Variants in LDLRAD3 observed in about 807,000 individuals in gnomAD.
LDLRAD3 encodes low density lipoprotein receptor class A domain containing 3, also known as low-density lipoprotein receptor class A domain-containing protein 3.
In LDLRAD3, 20 loss-of-function variants were observed where a neutral mutation model predicts 29.4. The observed-to-expected ratio is 0.68, with a 90% CI of 0.48 to 0.99. LDLRAD3 has a LOEUF of 0.99. Among genes scored for constraint, LDLRAD3 ranks in the 50% least tolerant of loss-of-function variants. The pLI is 0.00. For missense variants in LDLRAD3, 420 were observed against 454.3 expected (o/e 0.92, Z 0.69); for synonymous variants, 157 against 192.7 (o/e 0.81, Z 1.53).
chr11:36,097,839 G>GA (rs1230972051), intron 3 of LDLRAD3, among the ~76,000 whole-genome samples: 49 of 148,990 alleles, frequency 3.3e-4, no homozygotes, highest in African/African-American at 1.2e-3. Context: ...AAACAAAAAT[G>GA]GAAAAAAAAA....
chr11:36,072,101 A>G (rs1186419149), intron 2 of LDLRAD3, among the ~76,000 whole-genome samples: 11 of 152,214 alleles, frequency 7.2e-5, no homozygotes, highest in Admixed American at 7.2e-4. Flanking sequence ...TCTCTCAGCC[A>G]CATACTGGCA....
At chr11:36,047,699 T>C (rs1309457012) in intron 2 of LDLRAD3, among the ~76,000 whole-genome samples, 2 of 152,218 alleles carry the variant, frequency 1.3e-5, no homozygotes, top group African/African-American at 4.8e-5. Flanking sequence ...ACTGCCAGTA[T>C]TGAATCCTGA....
At chr11:36,200,149 C>G (rs11821619) in intron 4 of LDLRAD3, among the ~76,000 whole-genome samples, 46,793 of 151,884 alleles carry the variant, frequency 0.31, 7,478 homozygotes, top group African/African-American at 0.39. Context: ...CTGGGTGACA[C>G]AGCAAGACTC....
chr11:35,965,031 G>A (rs943933015), intron 1 of LDLRAD3, among the ~76,000 whole-genome samples: 1 of 151,758 alleles, frequency 6.6e-6, no homozygotes, highest in Admixed American at 6.6e-5. Flanking sequence ...AGCTGGGGCG[G>A]AAGTGGAGGC....
intron 1 of LDLRAD3, among the ~76,000 whole-genome samples, chr11:36,007,472 G>A (rs1037532805): frequency 3.3e-5 from 5 of 152,172 alleles, no homozygotes; most frequent in African/African-American, 4.8e-5. Context: ...AGGGAGGCTG[G>A]TTAATCATGT....
chr11:36,016,310 T>TCC (rs1852021790), intron 1 of LDLRAD3, among the ~76,000 whole-genome samples: 1 of 152,252 alleles, frequency 6.6e-6, no homozygotes, highest in South Asian at 2.1e-4. Context: ...TCCAAGTGAT[T>TCC]CCTTGTTCAG....
chr11:35,955,198 T>G (rs996329215), intron 1 of LDLRAD3, among the ~76,000 whole-genome samples: 1 of 152,112 alleles, frequency 6.6e-6, no homozygotes, highest in Non-Finnish European at 1.5e-5. Flanking sequence ...TGAGCTGAGA[T>G]TGCACCACTG....
intron 1 of LDLRAD3, among the ~76,000 whole-genome samples, chr11:36,027,982 T>C (rs909869810): frequency 1.3e-5 from 2 of 152,220 alleles, no homozygotes; most frequent in Admixed American, 6.5e-5. Flanking sequence ...GCTCCTGCTC[T>C]GGGTTCTCTC....
intron 2 of LDLRAD3, among the ~76,000 whole-genome samples, chr11:36,081,257 A>G (rs1022214387): frequency 2.6e-5 from 4 of 152,140 alleles, no homozygotes; most frequent in Admixed American, 6.5e-5. Context: ...ACTTCCTAGT[A>G]TGGTGAATAC....
chr11:36,155,975 TTC>T (rs1214475385), intron 4 of LDLRAD3, among the ~76,000 whole-genome samples: 6 of 152,176 alleles, frequency 3.9e-5, no homozygotes, highest in African/African-American at 1.2e-4. Flanking sequence ...GGAAATTATG[TTC>T]TTAGATGAGT....
At chr11:36,035,301 C>T (rs747178972) in intron 1 of LDLRAD3, among the ~76,000 whole-genome samples, 12 of 151,954 alleles carry the variant, frequency 7.9e-5, no homozygotes, top group Non-Finnish European at 1.3e-4. Flanking sequence ...TTGAAAATCT[C>T]CCCCCAGGGT....
At chr11:36,139,769 C>T (rs1271903647) in intron 4 of LDLRAD3, among the ~76,000 whole-genome samples, 13 of 152,030 alleles carry the variant, frequency 8.6e-5, no homozygotes, top group Non-Finnish European at 1.8e-4. Flanking sequence ...CTCCAGGAGA[C>T]GAGGGTGAAG....
At chr11:36,030,911 A>G (rs1037920224) in intron 1 of LDLRAD3, among the ~76,000 whole-genome samples, 4 of 152,218 alleles carry the variant, frequency 2.6e-5, no homozygotes, top group African/African-American at 9.6e-5. Context: ...CAACATCACT[A>G]ACTGCATGTT....
At chr11:36,162,713 T>G (rs1181731251) in intron 4 of LDLRAD3, among the ~76,000 whole-genome samples, 1 of 152,190 alleles carries the variant, frequency 6.6e-6, no homozygotes, top group Non-Finnish European at 1.5e-5. Context: ...GAGACTGACT[T>G]AATTAGCCAG....
chr11:36,024,143 A>T (rs1285395436), intron 1 of LDLRAD3, among the ~76,000 whole-genome samples: 1 of 152,152 alleles, frequency 6.6e-6, no homozygotes, highest in Non-Finnish European at 1.5e-5. Flanking sequence ...GCAGGAAGAG[A>T]AAAGGGACCC....
chr11:36,001,550 C>T (rs193046450), intron 1 of LDLRAD3, among the ~76,000 whole-genome samples: 1 of 152,272 alleles, frequency 6.6e-6, no homozygotes, highest in African/African-American at 2.4e-5. Flanking sequence ...AATCAAAGCT[C>T]AACCTACTTT....
chr11:36,090,840 G>A (rs138786086), intron 3 of LDLRAD3, among the ~76,000 whole-genome samples: 3 of 152,318 alleles, frequency 2.0e-5, no homozygotes, highest in African/African-American at 7.2e-5. Context: ...CTTCGAGGGG[G>A]AAAGGCTGCT....
intron 4 of LDLRAD3, among the ~76,000 whole-genome samples, chr11:36,146,002 TA>T (rs367591997): frequency 1.4e-5 from 2 of 138,680 alleles, no homozygotes; most frequent in Admixed American, 7.1e-5. Context: ...GAATGATCAA[TA>T]AAAAAAAGAA....
chr11:36,049,665 C>A (rs1208762690), intron 2 of LDLRAD3, among the ~76,000 whole-genome samples: 1 of 152,120 alleles, frequency 6.6e-6, no homozygotes, highest in Non-Finnish European at 1.5e-5. Context: ...GTTGGGTGTT[C>A]TAGAATCAGT....
Sources: allele counts gnomAD v4.1 joint callset (sites outside exome capture counted in the v4.1 genomes callset), GRCh38; gene constraint gnomAD v4.1.1; transcripts MANE v1.5; gene names NCBI Gene and HGNC (gene_info 2026-07-23, HGNC 2026-07-21).